SLCO1B3: variants seen among roughly 807,000 people sequenced by gnomAD.
SLCO1B3 encodes solute carrier organic anion transporter family member 1B3.
Under a neutral mutation model 71.8 loss-of-function variants are expected in SLCO1B3, and 72 were observed. That is an observed-to-expected ratio of 1.00 (90% CI 0.83 to 1.22). The LOEUF is 1.22. Ranked by LOEUF, SLCO1B3 falls within the 50% of genes most tolerant of loss-of-function variation. The pLI, the probability that SLCO1B3 is intolerant of heterozygous loss-of-function variation, is 0.00. For synonymous variants in SLCO1B3, 298 were observed against 278.4 expected (o/e 1.07, Z -0.70); for missense variants, 911 against 819.7 (o/e 1.11, Z -1.36).
At chr12:20,869,399 G>A (rs1173814442) in intron 8 of SLCO1B3, among the ~76,000 whole-genome samples, 6 of 67,634 alleles carry the variant, frequency 8.9e-5, no homozygotes, top group South Asian at 1.1e-3. Context: ...ATTATAGAGT[G>A]AGGATTATTA....
chr12:20,906,640 A>G (rs1207673695), intron 15 of SLCO1B3, among the ~76,000 whole-genome samples: 4 of 152,206 alleles, frequency 2.6e-5, no homozygotes, highest in Non-Finnish European at 5.9e-5. Context: ...GCTATAAAAT[A>G]TAAAGACAAA....
At chr12:20,826,167 A>G (rs1864416542) in intron 3 of SLCO1B3, among the ~76,000 whole-genome samples, 1 of 152,192 alleles carries the variant, frequency 6.6e-6, no homozygotes, top group Non-Finnish European at 1.5e-5. Context: ...TAGAACAATT[A>G]AAGCCAAGAG....
chr12:20,852,805 GTTTA>G (rs1281761249), intron 3 of SLCO1B3, among the ~76,000 whole-genome samples: 2 of 151,922 alleles, frequency 1.3e-5, no homozygotes, highest in African/African-American at 2.4e-5. Context: ...TGCTAAATGT[GTTTA>G]TTTTTTCTAA....
At chr12:20,874,293 A>G (rs542275458) in intron 8 of SLCO1B3, among the ~76,000 whole-genome samples, 2 of 152,228 alleles carry the variant, frequency 1.3e-5, no homozygotes, top group Non-Finnish European at 2.9e-5. Flanking sequence ...TCCCAATTGT[A>G]TGGTATAATA....
intron 3 of SLCO1B3, among the ~76,000 whole-genome samples, chr12:20,853,733 C>G (rs1386676339): frequency 6.6e-6 from 1 of 151,492 alleles, no homozygotes; most frequent in African/African-American, 2.4e-5. Context: ...ATTTTTTCTA[C>G]TCTAATGTTT....
intron 8 of SLCO1B3, among the ~76,000 whole-genome samples, chr12:20,870,151 G>A (rs1865450837): frequency 6.6e-6 from 1 of 151,992 alleles, no homozygotes; most frequent in Admixed American, 6.6e-5. Flanking sequence ...TTTCTATTCA[G>A]GTCTTTCACC....
At chr12:20,858,378 C>T in intron 4 of SLCO1B3, 61 bp from the exon 5 acceptor site, 2 of 1,232,082 alleles carry the variant, frequency 1.6e-6, no homozygotes, top group South Asian at 1.3e-5. Flanking sequence ...TTGGGGCATT[C>T]AGTTCTACTA....
chr12:20,850,445 A>C (rs959872950), intron 3 of SLCO1B3, among the ~76,000 whole-genome samples: 5 of 151,562 alleles, frequency 3.3e-5, no homozygotes, highest in African/African-American at 1.2e-4. Context: ...ACTCCCGGCT[A>C]ATTTTTTTTT....
At chr12:20,835,836 C>A (rs969534705) in intron 3 of SLCO1B3, among the ~76,000 whole-genome samples, 4 of 152,182 alleles carry the variant, frequency 2.6e-5, no homozygotes, top group African/African-American at 9.7e-5. Context: ...TCCAAAGCTG[C>A]TTCCCCATTA....
At chr12:20,875,096 A>G in intron 8 of SLCO1B3, 139 bp from the exon 9 acceptor site, 1 of 1,110,724 alleles carries the variant, frequency 9.0e-7, no homozygotes, top group Non-Finnish European at 1.3e-6. Context: ...AAAAGAAGAA[A>G]ATAGTGTTTT....
intron 3 of SLCO1B3, among the ~76,000 whole-genome samples, chr12:20,844,458 C>T (rs1211994881): frequency 6.6e-6 from 1 of 151,604 alleles, no homozygotes; most frequent in African/African-American, 2.4e-5. Context: ...GTACCAGTTA[C>T]CTGGGAAGCT....
intron 8 of SLCO1B3, among the ~76,000 whole-genome samples, chr12:20,867,963 C>T (rs1452283748): frequency 2.0e-5 from 3 of 152,120 alleles, no homozygotes; most frequent in South Asian, 2.1e-4. Context: ...CCTTCCTCCT[C>T]CTCTACCTGT....
At position 20,879,503 on chromosome 12, in the gene SLCO1B3, A is replaced by G; in HGVS notation, c.1203A>G (p.Lys401=). 6.2e-7 allele frequency: 1 copy of G among 1,611,676 alleles called. No individual in the cohort carries two copies. The highest frequency in any genetic ancestry group is 8.5e-7 in the Non-Finnish European group (1 of 1,178,088). The change falls in exon 11 of 16, where the codon AAA becomes AAG. Residue 401 remains lysine, a synonymous_variant. Coordinates refer to ENST00000381545, the MANE Select transcript of SLCO1B3 (RefSeq NM_019844.4). ...FLGGFIIKKF[K]LSLVGIAKFS... is the part of the protein sequence containing the mutation. ...GAGGATTTATCATTAAAAAATTCAA[A>G]TTGTCTTTAGTTGGAATTGCCAAAT... is the stretch of plus-strand genomic sequence containing the variant.
intron 15 of SLCO1B3, among the ~76,000 whole-genome samples, chr12:20,902,536 A>G (rs542487786): frequency 6.2e-4 from 94 of 152,316 alleles, no homozygotes; most frequent in African/African-American, 2.2e-3. Flanking sequence ...GGAACAATAG[A>G]CACTGGAGCC....
intron 5 of SLCO1B3, chr12:20,858,819 A>C (rs12579674): frequency 4.6e-6 from 1 of 215,230 alleles, no homozygotes; most frequent in Admixed American, 5.6e-5. Flanking sequence ...ATACAGTTTT[A>C]TATGAAATGA....
chr12:20,835,210 C>A (rs1454294492), intron 3 of SLCO1B3, among the ~76,000 whole-genome samples: 1 of 152,152 alleles, frequency 6.6e-6, no homozygotes, highest in Non-Finnish European at 1.5e-5. Flanking sequence ...CTGGACCAGG[C>A]TCAGGAAACC....
chr12:20,911,992 A>G (rs569990362), intron 15 of SLCO1B3, among the ~76,000 whole-genome samples: 25 of 152,118 alleles, frequency 1.6e-4, no homozygotes, highest in Admixed American at 5.2e-4. Context: ...TTCTTTTTCT[A>G]GTTTGCTAAG....
chr12:20,862,584 C>G lies in SLCO1B3; in HGVS notation c.628+26C>G, dbSNP rs369742024. On this transcript the variant is annotated intron_variant, in intron 7 of 15. Coordinates refer to ENST00000381545, the MANE Select transcript of SLCO1B3 (RefSeq NM_019844.4). ...GTAACGTACAGAATATATTAAATTT[C>G]ATGATTACATTCCCTGGATCTACCC... The G allele has an allele frequency of 2.4e-4, 370 of 1,565,734 alleles. 1 individual carries two copies. Among genetic ancestry groups the G allele is most frequent in the Non-Finnish European group, 3.1e-4 (358 of 1,151,342 alleles).
In SLCO1B3 at chr12:20,855,061, G is replaced by A. The variant is rs747514619; in HGVS notation, c.118G>A (p.Ala40Thr). ...GGCAGCCCTGTCATTCAGCTATATTGCTAAAGCACTAGGTGGAATCATTAT... is the reference window on the plus strand; with the variant it reads ...GGCAGCCCTGTCATTCAGCTATATTACTAAAGCACTAGGTGGAATCATTAT... ...FLAALSFSYIAKALGGIIMKI... is the reference protein window; with the variant it reads ...FLAALSFSYITKALGGIIMKI... Residue 40 changes from alanine to threonine, a missense_variant, in exon 4 of 16, where the codon GCT becomes ACT. Coordinates refer to ENST00000381545, the MANE Select transcript of SLCO1B3 (RefSeq NM_019844.4). The A allele has an allele frequency of 2.2e-5, 36 of 1,611,938 alleles. No homozygotes were observed. Among genetic ancestry groups the A allele is most frequent in the Non-Finnish European group, 3.0e-5 (35 of 1,179,606 alleles).
Sources: gnomAD v4.1 joint callset for allele counts (sites outside exome capture counted in the v4.1 genomes callset) on GRCh38, gnomAD v4.1.1 for gene constraint, MANE v1.5 for transcripts, NCBI Gene and HGNC (gene_info 2026-07-23, HGNC 2026-07-21) for gene names.